The following ZSCAN5A variants were observed in gnomAD, a reference collection of about 807,000 sequenced individuals.
ZSCAN5A encodes the protein zinc finger and SCAN domain containing 5A, also known as zinc finger and SCAN domain-containing protein 5A.
Under a neutral mutation model 23.7 loss-of-function variants are expected in ZSCAN5A, and 12 were observed. The observed-to-expected ratio is 0.51, with a 90% confidence interval of 0.32 to 0.82. The LOEUF (loss-of-function observed/expected upper bound fraction) is 0.82, where lower values mean the gene tolerates loss of function less well. ZSCAN5A is among the 40% of genes least tolerant of loss of function. The pLI, the probability that ZSCAN5A is intolerant of heterozygous loss-of-function variation, is 0.03. For synonymous variants in ZSCAN5A, 257 were observed against 239.9 expected (o/e 1.07, Z -0.66); for missense variants, 597 against 617.9 (o/e 0.97, Z 0.36).
chr19:56,223,155 T>C (rs575967553), intron 4 of ZSCAN5A, among the ~76,000 whole-genome samples: 4 of 152,180 alleles, frequency 2.6e-5, no homozygotes, highest in African/African-American at 9.6e-5. Flanking sequence ...ACCTCCACCC[T>C]CTAGATGCTA....
chr19:56,255,766 GA>G (rs1163345573), intron 2 of ZSCAN5A, among the ~76,000 whole-genome samples: 2 of 152,068 alleles, frequency 1.3e-5, no homozygotes, highest in Admixed American at 6.5e-5. Context: ...TGGTTTTAAT[GA>G]GTCCCAAAGC....
At chr19:56,292,480 G>A (rs1289179212) in intron 2 of ZSCAN5A, among the ~76,000 whole-genome samples, 1 of 105,428 alleles carries the variant, frequency 9.5e-6, no homozygotes, top group African/African-American at 3.4e-5. Flanking sequence ...TTACTTTTTT[G>A]TTTTGCTTTG....
intron 1 of ZSCAN5A, among the ~76,000 whole-genome samples, chr19:56,365,510 TGA>T (rs2147472662): frequency 6.6e-6 from 1 of 152,298 alleles, no homozygotes; most frequent in South Asian, 2.1e-4. Flanking sequence ...GATACAAAAG[TGA>T]ACGTGTTTAA....
At chr19:56,349,501 C>T (rs937151153) in intron 2 of ZSCAN5A, among the ~76,000 whole-genome samples, 16 of 151,968 alleles carry the variant, frequency 1.1e-4, no homozygotes, top group Admixed American at 1.3e-4. Context: ...TCGAGACCAG[C>T]GTGGCTAACA....
At chr19:56,231,996 C>CTTTTTTTTTTTTTTTTTTTT (rs59525392) in intron 2 of ZSCAN5A, among the ~76,000 whole-genome samples, 2 of 124,986 alleles carry the variant, frequency 1.6e-5, no homozygotes, top group Non-Finnish European at 3.3e-5. Context: ...TTTTTCTTTT[C>CTTTTTTTTTTTTTTTTTTTT]TTTTTTTTTG....
intron 2 of ZSCAN5A, among the ~76,000 whole-genome samples, chr19:56,256,032 G>A (rs935306984): frequency 2.6e-5 from 4 of 152,034 alleles, no homozygotes; most frequent in South Asian, 2.1e-4. Context: ...TAAGTAGCTG[G>A]TAAAGTTCAG....
At chr19:56,323,959 C>T (rs544513357) in intron 2 of ZSCAN5A, among the ~76,000 whole-genome samples, 1 of 152,290 alleles carries the variant, frequency 6.6e-6, no homozygotes, top group Non-Finnish European at 1.5e-5. Context: ...CACCCCAAAC[C>T]TGCACCCTTT....
At chr19:56,248,939 T>C (rs548179018) in intron 2 of ZSCAN5A, among the ~76,000 whole-genome samples, 11 of 152,258 alleles carry the variant, frequency 7.2e-5, no homozygotes, top group African/African-American at 2.6e-4. Flanking sequence ...CTGGGTGTTG[T>C]ACATCCTGTG....
At chr19:56,262,030 C>CT (rs1441021356) in intron 2 of ZSCAN5A, among the ~76,000 whole-genome samples, 3 of 151,594 alleles carry the variant, frequency 2.0e-5, no homozygotes, top group African/African-American at 4.8e-5. Context: ...ACTTTTCTAA[C>CT]TTTTTTTTTG....
chr19:56,327,833 AGTT>A (rs1338562789), intron 2 of ZSCAN5A, among the ~76,000 whole-genome samples: 1 of 152,078 alleles, frequency 6.6e-6, no homozygotes. Flanking sequence ...ACATATGCAT[AGTT>A]GTGTGTTATA....
In ZSCAN5A at chr19:56,221,679, A is replaced by C; in HGVS notation, c.1387T>G (p.Ser463Ala). 1.2e-6 allele frequency: 2 copies of C among 1,614,156 alleles called. No homozygotes were observed. Among genetic ancestry groups the C allele is most frequent in the Non-Finnish European group, 1.7e-6 (2 of 1,180,040 alleles). The change falls in exon 6 of 6, where the codon TCC becomes GCC. Residue 463 changes from serine (S) to alanine (A), a missense_variant. This residue lies in a region of ZSCAN5A where 87 missense variants were observed against 74.4 expected (regional missense o/e 1.17). Coordinates refer to ENST00000683990, the MANE Select transcript of ZSCAN5A (RefSeq NM_001322064.3). ...GSLKEHQRIHSGEKPYKCSKC... is the reference protein window; with the variant it reads ...GSLKEHQRIHAGEKPYKCSKC... Reference sequence around the variant, plus strand: ...GAACATTTGTAGGGTTTCTCTCCGGAGTGGATGCGCTGGTGCTCCTTCAGG... The same window carrying C: ...GAACATTTGTAGGGTTTCTCTCCGGCGTGGATGCGCTGGTGCTCCTTCAGG...
At chr19:56,353,744 T>C (rs1260633953) in intron 2 of ZSCAN5A, among the ~76,000 whole-genome samples, 5 of 151,990 alleles carry the variant, frequency 3.3e-5, no homozygotes, top group Admixed American at 2.6e-4. Context: ...ATCGTGCCAC[T>C]GCACTCCAGC....
At chr19:56,251,137 T>A in intron 2 of ZSCAN5A, among the ~76,000 whole-genome samples, 1 of 139,314 alleles carries the variant, frequency 7.2e-6, no homozygotes, top group Non-Finnish European at 1.5e-5. Flanking sequence ...GCAACAGAGC[T>A]AGACTCCGTG....
In ZSCAN5A at chr19:56,351,584, G is replaced by C. The variant is rs560688803; in HGVS notation, c.-358+11651C>G. Among the ~76,000 whole-genome samples the C allele has an allele frequency of 6.6e-6, 1 of 152,084 alleles. No homozygotes were observed. ...TCCCATGTCTCAGTACGGGGGAGCT[G>C]TTCTCTTCTTTCTTCCTTCTTACTT... On this transcript the variant is annotated intron_variant, in intron 2 of 6. Transcript: ENST00000587340. This position sits in a 1 kb window ranked among gnomAD's most constrained non-coding sequence, Gnocchi z 4.8.
chr19:56,270,555 T>C (rs1055439688), intron 2 of ZSCAN5A, among the ~76,000 whole-genome samples: 13 of 152,204 alleles, frequency 8.5e-5, no homozygotes, highest in Non-Finnish European at 1.6e-4. Context: ...TGAGGGTCAA[T>C]TGTTAACGTT....
At chr19:56,302,917 A>G (rs1425417803) in intron 2 of ZSCAN5A, 1 of 398,300 alleles carries the variant, frequency 2.5e-6, no homozygotes, top group Non-Finnish European at 4.4e-6. Flanking sequence ...GAAGGTCCTA[A>G]TTCTGTAAGG....
chr19:56,264,589 A>G (rs2037339610), intron 2 of ZSCAN5A, among the ~76,000 whole-genome samples: 1 of 152,230 alleles, frequency 6.6e-6, no homozygotes. Context: ...AAGAGTCTGT[A>G]TCAGAGGCTG....
At chr19:56,337,553 T>C in intron 2 of ZSCAN5A, among the ~76,000 whole-genome samples, 1 of 152,234 alleles carries the variant, frequency 6.6e-6, no homozygotes, top group South Asian at 2.1e-4. Context: ...TGCCTCGCCC[T>C]GCTTCAGCTC....
At chr19:56,248,940 A>G (rs2036150590) in intron 2 of ZSCAN5A, among the ~76,000 whole-genome samples, 1 of 152,092 alleles carries the variant, frequency 6.6e-6, no homozygotes. Flanking sequence ...TGGGTGTTGT[A>G]CATCCTGTGG....
Sources: allele counts gnomAD v4.1 joint callset (sites outside exome capture counted in the v4.1 genomes callset), GRCh38; gene constraint gnomAD v4.1.1; regional missense constraint gnomAD v4.1.1; non-coding constraint Gnocchi (gnomAD v3.1); transcripts MANE v1.5; gene names NCBI Gene and HGNC (gene_info 2026-07-23, HGNC 2026-07-21).